Variants in ARHGEF18 observed in about 807,000 individuals in gnomAD.
The protein encoded by ARHGEF18 is rho guanine nucleotide exchange factor 18.
Under a neutral mutation model 155.7 loss-of-function variants are expected in ARHGEF18, and 93 were observed. The observed-to-expected ratio is 0.60, with a 90% CI of 0.50 to 0.71. The LOEUF (loss-of-function observed/expected upper bound fraction) is 0.71. ARHGEF18 is among the 30% of genes least tolerant of loss of function. ARHGEF18 has a pLI of 0.00. For synonymous variants in ARHGEF18, 742 were observed against 753.1 expected (o/e 0.99, Z 0.24); for missense variants, 1,593 against 1,816.1 (o/e 0.88, Z 2.23).
At chr19:7,419,955 TCGGCCC>T (rs1568317650) in intron 10 of ARHGEF18, among the ~76,000 whole-genome samples, 5 of 112,772 alleles carry the variant, frequency 4.4e-5, no homozygotes, top group African/African-American at 1.3e-4. Flanking sequence ...GTACTCACAC[TCGGCCC>T]TCATACCCCA....
intron 10 of ARHGEF18, among the ~76,000 whole-genome samples, chr19:7,399,835 C>T (rs187621495): frequency 6.7e-6 from 1 of 149,478 alleles, no homozygotes; most frequent in Non-Finnish European, 1.5e-5. Flanking sequence ...AGCAGTGGTA[C>T]GATCACAGCT....
chr19:7,363,640 AGAAT>A (rs1461177929), intron 2 of ARHGEF18, among the ~76,000 whole-genome samples: 7 of 151,446 alleles, frequency 4.6e-5, no homozygotes, highest in Admixed American at 6.6e-5. Flanking sequence ...GATAAATGAA[AGAAT>A]GAAGGAAGGA....
intron 10 of ARHGEF18, among the ~76,000 whole-genome samples, chr19:7,406,753 CTTATA>C (rs1484442238): frequency 6.6e-6 from 1 of 152,108 alleles, no homozygotes; most frequent in Non-Finnish European, 1.5e-5. Context: ...TGGTTGCTGA[CTTATA>C]TTAATAGTTA....
At chr19:7,373,207 C>G (rs1970279201) in intron 3 of ARHGEF18, 136 bp downstream of exon 3, 1 of 1,112,230 alleles carries the variant, frequency 9.0e-7, no homozygotes, top group Non-Finnish European at 1.1e-6. Context: ...GTACCAGGGA[C>G]CAGTTTCATG....
intron 10 of ARHGEF18, among the ~76,000 whole-genome samples, chr19:7,423,215 A>C (rs1973463927): frequency 6.6e-6 from 1 of 152,034 alleles, no homozygotes; most frequent in Non-Finnish European, 1.5e-5. Context: ...GTTCAGGAGA[A>C]TATTGTCCCA....
chr19:7,360,714 C>T (rs1162445323), intron 1 of ARHGEF18, among the ~76,000 whole-genome samples: 1 of 152,206 alleles, frequency 6.6e-6, no homozygotes, highest in Admixed American at 6.6e-5. Context: ...AGGAATGGGA[C>T]TGCCTTTCCC....
At chr19:7,409,496 C>T (rs6603142) in intron 10 of ARHGEF18, among the ~76,000 whole-genome samples, 93,630 of 147,932 alleles carry the variant, frequency 0.63, 30,481 homozygotes, top group Middle Eastern at 0.8. Flanking sequence ...GGTACAATCT[C>T]GGCTCACTGT....
chr19:7,446,024 G>A (rs1025094287), intron 14 of ARHGEF18, among the ~76,000 whole-genome samples: 15 of 152,236 alleles, frequency 9.9e-5, no homozygotes, highest in Admixed American at 7.9e-4. Flanking sequence ...GAAGCAGAAG[G>A]TTTTTTTATT....
chr19:7,385,823 ATCTCTCTCTATCTCTCTCTCTCTCTC>A (rs1568285637), intron 10 of ARHGEF18, among the ~76,000 whole-genome samples: 8 of 73,796 alleles, frequency 1.1e-4, no homozygotes, highest in African/African-American at 5.0e-4. Context: ...GATAGGATCT[ATCTCTCTCTATCTCTCTCTCTCTCTC>A]TCTCTCTCTC....
intron 10 of ARHGEF18, among the ~76,000 whole-genome samples, chr19:7,422,752 C>T (rs11260069): frequency 0.53 from 74,447 of 141,152 alleles, 20,234 homozygotes; most frequent in Middle Eastern, 0.73. Flanking sequence ...GGAGTCTCAC[C>T]CTGTCACCCA....
Position 7,375,983 on chromosome 19 carries a change from C to T in ARHGEF18, c.426+113C>T, listed in dbSNP as rs190787706. On this transcript the variant is annotated intron_variant, in intron 4 of 28. Coordinates refer to ENST00000668164, the MANE Select transcript of ARHGEF18 (RefSeq NM_001367823.1). ...GGCTGGTGGCGCTTACCCACCATGG[C>T]AGGGTGGAGGCTGCTTATCTGTGGT... is the stretch of plus-strand genomic sequence containing the variant. 10 of 1,160,338 alleles carry T rather than the reference C, an allele frequency of 8.6e-6. No homozygotes were observed. In the East Asian group the frequency reaches 1.6e-4, roughly 19 times the overall value. 71.9% of individuals were successfully genotyped at this position (1,160,338 alleles called of 1,614,324 possible).
At chr19:7,401,571 G>A (rs998462523) in intron 10 of ARHGEF18, among the ~76,000 whole-genome samples, 2 of 152,190 alleles carry the variant, frequency 1.3e-5, no homozygotes, top group African/African-American at 4.8e-5. Context: ...TTATAGGCAT[G>A]AGCCATTGTG....
In ARHGEF18 at chr19:7,440,576, C is replaced by A; in HGVS notation, c.1106+94C>A. The A allele has an allele frequency of 7.1e-7, 1 of 1,413,208 alleles. No individual in the cohort carries two copies. Among genetic ancestry groups the A allele is most frequent in the Non-Finnish European group, 9.4e-7 (1 of 1,058,594 alleles). 87.5% of individuals were successfully genotyped at this position (1,413,208 alleles called of 1,614,324 possible). ...TTCGGAGGGAGACCCCGACTTAGAT[C>A]TGTGTGAATCCACACGGCAGCCCCC... On this transcript the variant is annotated intron_variant, in intron 11 of 28. Transcript: ENST00000668164. The surrounding 1 kb of genome is among the most constrained non-coding windows in gnomAD (Gnocchi z 5.4).
intron 2 of ARHGEF18, among the ~76,000 whole-genome samples, chr19:7,368,063 T>C (rs1970025378): frequency 7.2e-6 from 1 of 138,554 alleles, no homozygotes; most frequent in South Asian, 2.2e-4. Flanking sequence ...CTATCTGCTC[T>C]ATGATTTACT....
At position 7,362,179 on chromosome 19, in the gene ARHGEF18, AAGAAGG is replaced by A. The variant is rs1568265136; in HGVS notation, c.-110-596_-110-591del. Among the ~76,000 whole-genome samples, 46 of 116,370 alleles carry A rather than the reference AAGAAGG, an allele frequency of 4.0e-4. 1 individual carries two copies. The highest frequency in any genetic ancestry group is 4.0e-3 in the Middle Eastern group (1 of 248). 76.3% of individuals were successfully genotyped at this position (116,370 alleles called of 152,430 possible). A position where few individuals can be genotyped will look rare whatever the true frequency, so the allele number is the denominator to read the frequency against. ...GGAGGAGAAGAAGGAGAAGAAGGAG[AAGAAGG>A]AGAAGAAGGAGAAGAAGAAGGAGAA... On this transcript the variant is annotated intron_variant, in intron 1 of 28. Transcript: ENST00000668164.
intron 10 of ARHGEF18, among the ~76,000 whole-genome samples, chr19:7,437,240 C>T (rs1024412136): frequency 6.6e-6 from 1 of 152,000 alleles, no homozygotes; most frequent in African/African-American, 2.4e-5. Flanking sequence ...ACCAGCCTGA[C>T]CAACATGGAG....
intron 10 of ARHGEF18, among the ~76,000 whole-genome samples, chr19:7,434,947 A>T (rs1974173320): frequency 6.6e-6 from 1 of 152,242 alleles, no homozygotes; most frequent in Admixed American, 6.5e-5. Context: ...CACGCCTGTA[A>T]TCCCAGCACT....
At chr19:7,448,409 C>G (rs1975136938) in intron 15 of ARHGEF18, among the ~76,000 whole-genome samples, 1 of 152,196 alleles carries the variant, frequency 6.6e-6, no homozygotes, top group Non-Finnish European at 1.5e-5. Flanking sequence ...TGCCTGTAAT[C>G]CCAGCATTTT....
intron 1 of ARHGEF18, among the ~76,000 whole-genome samples, chr19:7,356,904 C>T (rs1256258930): frequency 6.6e-6 from 1 of 152,196 alleles, no homozygotes; most frequent in Non-Finnish European, 1.5e-5. Context: ...CACTGACCCT[C>T]CTTGAAGGCT....
Sources: allele counts gnomAD v4.1 joint callset (sites outside exome capture counted in the v4.1 genomes callset), GRCh38; gene constraint gnomAD v4.1.1; non-coding constraint Gnocchi (gnomAD v3.1); transcripts MANE v1.5; gene names NCBI Gene and HGNC (gene_info 2026-07-23, HGNC 2026-07-21).